The following ARNT variants were observed in gnomAD, a reference collection of about 807,000 sequenced individuals.
ARNT encodes aryl hydrocarbon receptor nuclear translocator.
In ARNT, 30 loss-of-function variants were observed where a neutral mutation model predicts 105.0. The observed-to-expected ratio is 0.29, with a 90% CI of 0.21 to 0.39. The LOEUF (loss-of-function observed/expected upper bound fraction) is 0.39. Ranked by LOEUF, ARNT falls within the 10% of genes least tolerant of loss-of-function variation. The pLI is 1.00. For missense variants in ARNT, 748 were observed against 978.7 expected (o/e 0.76, Z 3.15); for synonymous variants, 304 against 344.0 (o/e 0.88, Z 1.29).
intron 6 of ARNT, among the ~76,000 whole-genome samples, chr1:150,838,424 C>T (rs1404819892): frequency 2.0e-5 from 3 of 152,306 alleles, no homozygotes; most frequent in Non-Finnish European, 4.4e-5. Context: ...CACAGCACAA[C>T]ACACCTGGTT....
In ARNT at chr1:150,868,950, G is replaced by A. The variant is rs373299337; in HGVS notation, c.25+7593C>T. Among the ~76,000 whole-genome samples the A allele has an allele frequency of 8.7e-5, 13 of 149,464 alleles. No individual in the cohort carries two copies. The East Asian group carries it at 9.7e-4, about 11-fold the overall frequency. ...AAAGGACCAGCCTGGGCAACATAGC[G>A]AGATCCTGTCTCTACAAAATTAAAA... On this transcript the variant is annotated intron_variant, in intron 1 of 21. Coordinates refer to ENST00000358595, the MANE Select transcript of ARNT (RefSeq NM_001668.4).
rs367766946 is a variant in ARNT at position 150,821,828 on chromosome 1, CTTTTTTTTTTT to C, written c.1394+1355_1394+1365del. ...CATGCCCAGCTAATTTTTGTATTTTCTTTTTTTTTTTTTTTTTTTTTTCAGTAGAGACAGGG... is the reference window on the plus strand; with the variant it reads ...CATGCCCAGCTAATTTTTGTATTTTCTTTTTTTTTTTCAGTAGAGACAGGG... On this transcript the variant is annotated intron_variant, in intron 14 of 21. Transcript: ENST00000358595. 5.2e-5 allele frequency among the ~76,000 whole-genome samples: 6 copies of C among 114,880 alleles called. 1 individual carries two copies. In the East Asian group the frequency reaches 1.2e-3, roughly 23 times the overall value. The allele number at this position is 114,880 out of a possible 152,430, so 75.4% of individuals were successfully genotyped here. A position where few individuals can be genotyped will look rare whatever the true frequency, so the allele number is the denominator to read the frequency against.
chr1:150,858,313 G>T, intron 2 of ARNT, 36 bp downstream of exon 2: 1 of 1,499,968 alleles, frequency 6.7e-7, no homozygotes, highest in Admixed American at 1.9e-5. Context: ...TTGGTTTATA[G>T]GAGAGATATT....
chr1:150,832,294 A>G (rs780297931), intron 9 of ARNT, 40 bp downstream of exon 9: 2 of 1,603,332 alleles, frequency 1.2e-6, no homozygotes, highest in African/African-American at 1.3e-5. Flanking sequence ...CTCTGCAGGT[A>G]TTTGGCCATC....
At position 150,816,979 on chromosome 1, in the gene ARNT, G is replaced by A. The variant is rs587683141; in HGVS notation, c.1700-89C>T. 14 of 1,602,422 alleles carry A rather than the reference G, an allele frequency of 8.7e-6. No homozygotes were observed. The African/African-American group carries it at 1.5e-4, about 17-fold the overall frequency. ...TTCCTATTTACTCAGGTGGTATTATGATTAAGTGGAAAAACACTGGAAGAT... is the reference window on the plus strand; with the variant it reads ...TTCCTATTTACTCAGGTGGTATTATAATTAAGTGGAAAAACACTGGAAGAT... On this transcript the variant is annotated intron_variant, in intron 17 of 21. Coordinates refer to ENST00000358595, the MANE Select transcript of ARNT (RefSeq NM_001668.4).
intron 14 of ARNT, 39 bp from the exon 15 acceptor site, chr1:150,818,069 G>T: frequency 7.2e-7 from 1 of 1,387,268 alleles, no homozygotes; most frequent in Non-Finnish European, 1.0e-6. Context: ...GGGGTGGAGA[G>T]GGAGGAAGGG....
At chr1:150,839,363 A>C (rs1660864977) in intron 6 of ARNT, 78 bp downstream of exon 6, 1 of 1,469,648 alleles carries the variant, frequency 6.8e-7, no homozygotes, top group Non-Finnish European at 9.4e-7. Context: ...GAAAAGCTGA[A>C]TTCTTGTCCA....
intron 13 of ARNT, among the ~76,000 whole-genome samples, chr1:150,824,606 C>A (rs1571232366): frequency 1.3e-5 from 2 of 151,552 alleles, no homozygotes; most frequent in Non-Finnish European, 2.9e-5. Flanking sequence ...AGGCGTGCAC[C>A]ATCACGCCCA....
chr1:150,826,042 T>A (rs1028178754), intron 13 of ARNT, among the ~76,000 whole-genome samples: 1 of 151,868 alleles, frequency 6.6e-6, no homozygotes, highest in African/African-American at 2.4e-5. Flanking sequence ...GCCTCCCGAG[T>A]ACCTGGGATT....
chr1:150,855,912 T>C (rs1304024311), intron 2 of ARNT, among the ~76,000 whole-genome samples: 1 of 151,358 alleles, frequency 6.6e-6, no homozygotes, highest in African/African-American at 2.4e-5. Flanking sequence ...CTCCGAAATG[T>C]GTGTGTGTGT....
chr1:150,842,390 T>C, intron 5 of ARNT, 34 bp downstream of exon 5: 1 of 1,602,220 alleles, frequency 6.2e-7, no homozygotes, highest in South Asian at 1.1e-5. Context: ...CAGCATCATC[T>C]GCTTCATCAT....
chr1:150,860,367 C>T (rs1665408796), intron 1 of ARNT, among the ~76,000 whole-genome samples: 1 of 151,318 alleles, frequency 6.6e-6, no homozygotes, highest in Admixed American at 6.6e-5. Context: ...AGGCACGCAC[C>T]ACCACGCCTG....
At chr1:150,865,258 AAT>A (rs1312274774) in intron 1 of ARNT, among the ~76,000 whole-genome samples, 1 of 152,208 alleles carries the variant, frequency 6.6e-6, no homozygotes, top group Non-Finnish European at 1.5e-5. Context: ...ACAGGAAAAA[AAT>A]TTTTAAAAGC....
At chr1:150,854,599 G>A (rs1664227284) in intron 2 of ARNT, among the ~76,000 whole-genome samples, 1 of 152,030 alleles carries the variant, frequency 6.6e-6, no homozygotes, top group African/African-American at 2.4e-5. Context: ...GCTCACATCT[G>A]CAATCCCAGC....
chr1:150,837,956 A>T (rs2101927981), intron 6 of ARNT, among the ~76,000 whole-genome samples: 1 of 152,230 alleles, frequency 6.6e-6, no homozygotes, highest in Non-Finnish European at 1.5e-5. Context: ...TTCCAGTGAT[A>T]ATTCAGTTTT....
At chr1:150,814,547 T>C (rs1655429674) in intron 19 of ARNT, among the ~76,000 whole-genome samples, 1 of 152,220 alleles carries the variant, frequency 6.6e-6, no homozygotes, top group South Asian at 2.1e-4. Flanking sequence ...TAAAGTATTA[T>C]ATGCAGGCCA....
rs200394177 is a variant in ARNT at position 150,823,379 on chromosome 1, T to G, written c.1243-34A>C. 3 of 1,537,570 alleles carry G rather than the reference T, an allele frequency of 2.0e-6. No individual in the cohort carries two copies. The East Asian group carries it at 6.8e-5, about 35-fold the overall frequency. ...GTTTTCATGCCATCAGTGGAACTCA[T>G]AGAAAATTTTCATTACAAAAATAAA... On this transcript the variant is annotated intron_variant, in intron 13 of 21. Transcript: ENST00000358595.
intron 2 of ARNT, among the ~76,000 whole-genome samples, chr1:150,854,816 C>T (rs1480347393): frequency 7.1e-6 from 1 of 139,948 alleles, no homozygotes; most frequent in Non-Finnish European, 1.5e-5. Context: ...AAAATTGCGC[C>T]ACTGCACTCC....
intron 1 of ARNT, among the ~76,000 whole-genome samples, chr1:150,873,305 C>CAAACA (rs1667760824): frequency 1.4e-5 from 2 of 146,124 alleles, no homozygotes; most frequent in South Asian, 4.4e-4. Flanking sequence ...AACAAACAAA[C>CAAACA]AAAAAAAAAA....
Sources: gnomAD v4.1 joint callset for allele counts (sites outside exome capture counted in the v4.1 genomes callset) on GRCh38, gnomAD v4.1.1 for gene constraint, MANE v1.5 for transcripts, NCBI Gene and HGNC (gene_info 2026-07-23, HGNC 2026-07-21) for gene names.